Variants in DYNC1H1 observed in about 807,000 individuals in gnomAD.
DYNC1H1 encodes dynein cytoplasmic 1 heavy chain 1, also known as cytoplasmic dynein 1 heavy chain 1.
DYNC1H1 carries 51 observed loss-of-function variants against 527.1 expected under a neutral mutation model. The observed-to-expected ratio is 0.10, with a 90% CI of 0.08 to 0.12. DYNC1H1 has a LOEUF of 0.12. Among genes scored for constraint, DYNC1H1 ranks in the 10% least tolerant of loss-of-function variants. The probability of loss-of-function intolerance (pLI) is 1.00; values close to 1 mark genes in which losing one functional copy is unlikely to be tolerated. For synonymous variants in DYNC1H1, 2,189 were observed against 2,278.8 expected (o/e 0.96, Z 1.12); for missense variants, 2,771 against 5,971.8 (o/e 0.46, Z 17.66).
At chr14:102,035,512 G>A (rs2152593011) in intron 56 of DYNC1H1, 1 of 152,388 alleles carries the variant, frequency 6.6e-6, no homozygotes, top group East Asian at 1.9e-4. Flanking sequence ...TTTGACCTAG[G>A]AGTTCCACTT....
rs2048257592 is a variant in DYNC1H1 at position 102,011,444 on chromosome 14, CG to C, written c.6619-428del. 1 of 341,614 alleles carries C rather than the reference CG, an allele frequency of 2.9e-6. No individual in the cohort carries two copies. The highest frequency in any genetic ancestry group is 2.4e-5 in the South Asian group (1 of 41,816). 21.2% of individuals were successfully genotyped at this position (341,614 alleles called of 1,614,324 possible). A position where few individuals can be genotyped will look rare whatever the true frequency, so the allele number is the denominator to read the frequency against. ...CCATTGGGTCTCTTGTTGTCCTCGG[CG>C]GGATCTGATGTGTCCTTGTTGAGGC... On this transcript the variant is annotated intron_variant, in intron 32 of 77. Coordinates refer to ENST00000360184, the MANE Select transcript of DYNC1H1 (RefSeq NM_001376.5). This position sits in a 1 kb window ranked among gnomAD's most constrained non-coding sequence, Gnocchi z 5.3.
intron 42 of DYNC1H1, among the ~76,000 whole-genome samples, chr14:102,021,401 C>G (rs1464847216): frequency 1.3e-5 from 2 of 152,124 alleles, no homozygotes; most frequent in Non-Finnish European, 2.9e-5. Context: ...TCACAGATTT[C>G]TAGTACCACA....
At chr14:102,021,896 A>G (rs1376710295) in intron 42 of DYNC1H1, among the ~76,000 whole-genome samples, 2 of 151,942 alleles carry the variant, frequency 1.3e-5, no homozygotes, top group African/African-American at 2.4e-5. Context: ...CCTGACTTAA[A>G]GTGATCCGCC....
chr14:102,041,349 G>A lies in DYNC1H1; in HGVS notation c.11942-225G>A. 1 of 649,126 alleles carries A rather than the reference G, an allele frequency of 1.5e-6. No individual in the cohort carries two copies. The highest frequency in any genetic ancestry group is 2.7e-6 in the Non-Finnish European group (1 of 373,604). 40.2% of individuals were successfully genotyped at this position (649,126 alleles called of 1,614,324 possible). On this transcript the variant is annotated intron_variant, in intron 64 of 77. Coordinates refer to ENST00000360184, the MANE Select transcript of DYNC1H1 (RefSeq NM_001376.5). This position sits in a 1 kb window ranked among gnomAD's most constrained non-coding sequence, Gnocchi z 4.5. ...TTAGTAATCTAAAAATCAGCAAATGGCACCTTTGTCCTATGGATACATCCA... is the reference window on the plus strand; with the variant it reads ...TTAGTAATCTAAAAATCAGCAAATGACACCTTTGTCCTATGGATACATCCA...
intron 73 of DYNC1H1, 63 bp downstream of exon 73, chr14:102,048,091 ACCATTGTTCCATGGACCATTGGTT>A: frequency 4.5e-6 from 7 of 1,541,130 alleles, no homozygotes; most frequent in Non-Finnish European, 6.1e-6. Context: ...ATGGTCATGG[ACCATTGTTCCATGGACCATTGGTT>A]CCACTGTGCC....
chr14:101,987,674 T>C (rs751863505), intron 9 of DYNC1H1, 42 bp downstream of exon 9: 3 of 1,607,416 alleles, frequency 1.9e-6, no homozygotes, highest in Admixed American at 1.7e-5. Flanking sequence ...CTTTTTCTTC[T>C]GCTGACCCTC....
chr14:102,043,507 CAG>C lies in DYNC1H1; in HGVS notation c.12514-365_12514-364del, dbSNP rs570143494. The C allele has an allele frequency of 8.0e-3, 2,895 of 359,930 alleles. 23 individuals carry two copies. The highest frequency in any genetic ancestry group is 0.01 in the Non-Finnish European group (1,881 of 186,160). 22.3% of individuals were successfully genotyped at this position (359,930 alleles called of 1,614,324 possible). ...CCCAGCACAGGCCCCCAAGACCAAACAGAGCCCTCCCAGGCGCCAAGTGAAGA... is the reference window on the plus strand; with the variant it reads ...CCCAGCACAGGCCCCCAAGACCAAACAGCCCTCCCAGGCGCCAAGTGAAGA... On this transcript the variant is annotated intron_variant, in intron 69 of 77. Transcript: ENST00000360184.
rs758338181 is a variant in DYNC1H1 at position 102,029,254 on chromosome 14, A to G, written c.9469-285A>G. On this transcript the variant is annotated intron_variant, in intron 48 of 77. Transcript: ENST00000360184. This position sits in a 1 kb window ranked among gnomAD's most constrained non-coding sequence, Gnocchi z 5.3. ...TGGAAGCAGGCTAGCTAACCTTTCT[A>G]TAGTAACTGACATTTGTGATGCCTT... 1 of 463,844 alleles carries G rather than the reference A, an allele frequency of 2.2e-6. No homozygotes were observed. The highest frequency in any genetic ancestry group is 3.4e-5 in the Admixed American group (1 of 29,088). 28.7% of individuals were successfully genotyped at this position (463,844 alleles called of 1,614,324 possible).
Position 102,029,533 on chromosome 14 carries a change from T to C in DYNC1H1, c.9469-6T>C, listed in dbSNP as rs562414207. On this transcript the variant is annotated splice_polypyrimidine_tract_variant and splice_region_variant and intron_variant, in intron 48 of 77. Transcript: ENST00000360184. The surrounding 1 kb of genome is among the most constrained non-coding windows in gnomAD (Gnocchi z 5.3). ...AGAGTGAGAAGATGTAACTATTTTC[T>C]GAAAGGCGAATGCTCGGCTAGCAAA... 1.2e-6 allele frequency: 2 copies of C among 1,614,152 alleles called. No homozygotes were observed. The highest frequency in any genetic ancestry group is 1.7e-6 in the Non-Finnish European group (2 of 1,180,024).
chr14:102,042,097 A>C lies in DYNC1H1; in HGVS notation c.12187A>C (p.Asn4063His). Residue 4063 changes from asparagine to histidine, a missense_variant, in exon 66 of 78, where the codon AAC (asparagine) becomes CAC (histidine). Coordinates refer to ENST00000360184, the MANE Select transcript of DYNC1H1 (RefSeq NM_001376.5). This position sits in a 1 kb window ranked among gnomAD's most constrained non-coding sequence, Gnocchi z 5.7. Reference sequence around the variant, plus strand: ...TGTCGAGGACCTTGCAGCCGAGCAGAACACGCAGATCACTTCAATTGCAAT... The same window carrying C: ...TGTCGAGGACCTTGCAGCCGAGCAGCACACGCAGATCACTTCAATTGCAAT... Reference protein sequence around the residue: ...GHVEDLAAEQNTQITSIAIGS... With the variant: ...GHVEDLAAEQHTQITSIAIGS... The C allele has an allele frequency of 6.2e-7, 1 of 1,614,104 alleles. No individual in the cohort carries two copies. Among genetic ancestry groups the C allele is most frequent in the Non-Finnish European group, 8.5e-7 (1 of 1,180,024 alleles).
In DYNC1H1 at chr14:102,047,620, C is replaced by T. The variant is rs1041365595; in HGVS notation, c.13007-197C>T. The T allele has an allele frequency of 7.4e-5, 24 of 324,302 alleles. 1 individual carries two copies. Among genetic ancestry groups the T allele is most frequent in the East Asian group, 2.1e-4 (3 of 14,048 alleles). The allele number at this position is 324,302 out of a possible 1,614,324, so 20.1% of individuals were successfully genotyped here. On this transcript the variant is annotated intron_variant, in intron 72 of 77. Coordinates refer to ENST00000360184, the MANE Select transcript of DYNC1H1 (RefSeq NM_001376.5). ...ATATACACATATATGTATATATACA[C>T]GTGTGTGTGTGTGTGTGTGTGTATA... is the stretch of plus-strand genomic sequence containing the variant.
chr14:102,007,721 C>T (rs959795452), intron 28 of DYNC1H1, among the ~76,000 whole-genome samples: 2 of 152,170 alleles, frequency 1.3e-5, no homozygotes, highest in African/African-American at 2.4e-5. Context: ...GTTTGAGCCC[C>T]GTGAAGCCAG....
Position 102,049,636 on chromosome 14 carries a change from T to TG in DYNC1H1, c.13515+57dup. The TG allele has an allele frequency of 1.9e-6, 3 of 1,613,040 alleles. No individual in the cohort carries two copies. In the South Asian group the frequency reaches 3.3e-5, roughly 18 times the overall value. On this transcript the variant is annotated intron_variant, in intron 75 of 77. Transcript: ENST00000360184. This position sits in a 1 kb window ranked among gnomAD's most constrained non-coding sequence, Gnocchi z 5.5. Reference sequence around the variant, plus strand: ...GGTCAGCAGCTGTCCTGGGCTGGGGTGGGAGTGGCTCTGGGGAAAAACACA... The same window carrying TG: ...GGTCAGCAGCTGTCCTGGGCTGGGGTGGGGAGTGGCTCTGGGGAAAAACACA...
chr14:102,044,030 G>A lies in DYNC1H1; in HGVS notation c.12669G>A (p.Leu4223=). The change falls in exon 70 of 78, where the codon CTG becomes CTA. Residue 4223 remains leucine, a synonymous_variant. Coordinates refer to ENST00000360184, the MANE Select transcript of DYNC1H1 (RefSeq NM_001376.5). This position sits in a 1 kb window ranked among gnomAD's most constrained non-coding sequence, Gnocchi z 7.1. ...RSACDTVDTW[L]DDTAKGRQNI... ...CTTGCGATACGGTGGACACGTGGCT[G>A]GATGACACGGCCAAGGCAAGTGTGG... 2.5e-6 allele frequency: 4 copies of A among 1,613,928 alleles called. No homozygotes were observed. The highest frequency in any genetic ancestry group is 3.4e-6 in the Non-Finnish European group (4 of 1,180,038).
chr14:102,021,174 C>T (rs1359656380), intron 42 of DYNC1H1, among the ~76,000 whole-genome samples: 1 of 152,066 alleles, frequency 6.6e-6, no homozygotes, highest in Non-Finnish European at 1.5e-5. Context: ...CCCAGGAGTT[C>T]AAGGCCAGCC....
rs1394644756 is a variant in DYNC1H1 at position 102,015,474 on chromosome 14, A to G, written c.7242+142A>G. On this transcript the variant is annotated intron_variant, in intron 35 of 77. Transcript: ENST00000360184. The surrounding 1 kb of genome is among the most constrained non-coding windows in gnomAD (Gnocchi z 6.9). ...CTTGGCCTCTCAAAGTGCTGGGATT[A>G]CAGGCATGAGTCACTGTACCCAGCC... The G allele has an allele frequency of 1.5e-5, 15 of 1,008,416 alleles. No individual in the cohort carries two copies. Among genetic ancestry groups the G allele is most frequent in the Non-Finnish European group, 2.2e-5 (15 of 697,546 alleles). The allele number at this position is 1,008,416 out of a possible 1,614,324, so 62.5% of individuals were successfully genotyped here. A position where few individuals can be genotyped will look rare whatever the true frequency, so the allele number is the denominator to read the frequency against.
Position 101,994,334 on chromosome 14 carries a change from T to C in DYNC1H1, c.3156+10T>C. 1 of 1,614,174 alleles carries C rather than the reference T, an allele frequency of 6.2e-7. No individual in the cohort carries two copies. The highest frequency in any genetic ancestry group is 8.5e-7 in the Non-Finnish European group (1 of 1,180,018). ...TGAACAGTATGTCAAGGTAAGAAAC[T>C]CCTAATTTCATTCAAATGTGCATAT... On this transcript the variant is annotated intron_variant, in intron 12 of 77. Coordinates refer to ENST00000360184, the MANE Select transcript of DYNC1H1 (RefSeq NM_001376.5).
Position 102,033,653 on chromosome 14 carries a change from T to A in DYNC1H1, c.10413+169T>A. On this transcript the variant is annotated intron_variant, in intron 54 of 77. Coordinates refer to ENST00000360184, the MANE Select transcript of DYNC1H1 (RefSeq NM_001376.5). This position sits in a 1 kb window ranked among gnomAD's most constrained non-coding sequence, Gnocchi z 5.6. ...AAAATAATACACACTGAGTAGTCAC[T>A]AAGTGTTGTTAATTAGGATAGATTG... 1.2e-6 allele frequency: 1 copy of A among 830,952 alleles called. No individual in the cohort carries two copies. Among genetic ancestry groups the A allele is most frequent in the Non-Finnish European group, 1.9e-6 (1 of 516,192 alleles). The allele number at this position is 830,952 out of a possible 1,614,324, so 51.5% of individuals were successfully genotyped here. A position where few individuals can be genotyped will look rare whatever the true frequency, so the allele number is the denominator to read the frequency against.
intron 72 of DYNC1H1, among the ~76,000 whole-genome samples, chr14:102,047,427 C>T (rs961213453): frequency 1.3e-5 from 2 of 151,714 alleles, no homozygotes; most frequent in African/African-American, 4.9e-5. Flanking sequence ...ATCCCAGCTA[C>T]TTGGGAGCCT....
Sources: gnomAD v4.1 joint callset for allele counts (sites outside exome capture counted in the v4.1 genomes callset) on GRCh38, gnomAD v4.1.1 for gene constraint, Gnocchi (gnomAD v3.1) non-coding constraint, MANE v1.5 for transcripts, NCBI Gene and HGNC (gene_info 2026-07-23, HGNC 2026-07-21) for gene names.